Variants in FANCM observed in about 807,000 individuals in gnomAD.
FANCM encodes FA complementation group M, also known as Fanconi anemia group M protein.
In FANCM, 140 loss-of-function variants were observed where a neutral mutation model predicts 199.5. The ratio of observed to expected loss-of-function variants is 0.70; its 90% CI spans 0.61 to 0.81. The LOEUF (loss-of-function observed/expected upper bound fraction) is 0.81. Among genes scored for constraint, FANCM ranks in the 30% least tolerant of loss-of-function variants. FANCM has a pLI of 0.00. For synonymous variants in FANCM, 840 were observed against 836.8 expected (o/e 1.00, Z -0.07); for missense variants, 2,410 against 2,421.4 (o/e 1.00, Z 0.10).
chr14:45,190,134 A>G (rs1477092042), intron 20 of FANCM, among the ~76,000 whole-genome samples: 1 of 152,144 alleles, frequency 6.6e-6, no homozygotes, highest in Non-Finnish European at 1.5e-5. Context: ...GCTGCTAAGT[A>G]GTCCAGTTTT....
chr14:45,188,294 G>A (rs1017938025), intron 19 of FANCM, among the ~76,000 whole-genome samples: 4 of 152,122 alleles, frequency 2.6e-5, no homozygotes, highest in African/African-American at 9.7e-5. Context: ...AGCCAAGATT[G>A]CACCATTGCA....
Position 45,155,360 on chromosome 14 carries a change from T to C in FANCM, c.1310-13T>C, listed in dbSNP as rs749995672. ...AAACAGAAAAAAATTTTGATATTTT[T>C]GTTTTGTTCCAGGAGATAAAAATAA... On this transcript the variant is annotated splice_polypyrimidine_tract_variant and intron_variant, in intron 7 of 22. Coordinates refer to ENST00000267430, the MANE Select transcript of FANCM (RefSeq NM_020937.4). The C allele has an allele frequency of 1.3e-5, 15 of 1,136,202 alleles. No individual in the cohort carries two copies. Among genetic ancestry groups the C allele is most frequent in the Non-Finnish European group, 2.0e-5 (15 of 752,338 alleles). 70.4% of individuals were successfully genotyped at this position (1,136,202 alleles called of 1,614,324 possible).
At chr14:45,143,725 G>A (rs890030131) in intron 3 of FANCM, among the ~76,000 whole-genome samples, 5 of 132,062 alleles carry the variant, frequency 3.8e-5, no homozygotes, top group Non-Finnish European at 6.2e-5. Context: ...ACAGAGTCTC[G>A]CTTTGTCACC....
Position 45,168,615 on chromosome 14 carries a change from TTTATC to T in FANCM, c.2002+1456_2002+1460del, listed in dbSNP as rs201724992. On this transcript the variant is annotated intron_variant, in intron 11 of 22. Coordinates refer to ENST00000267430, the MANE Select transcript of FANCM (RefSeq NM_020937.4). The stretch of plus-strand genomic sequence containing the variant: ...TCTCTGATTTTTCAAGTGTCAAAGA[TTTATC>T]TTAGATTATGTGATTTATGTATGGA... 8.2e-3 allele frequency among the ~76,000 whole-genome samples: 1,230 copies of T among 150,588 alleles called. 16 individuals carry two copies. The highest frequency in any genetic ancestry group is 0.028 in the African/African-American group (1,164 of 41,276).
intron 3 of FANCM, among the ~76,000 whole-genome samples, chr14:45,141,258 A>C (rs1885909214): frequency 6.8e-6 from 1 of 146,548 alleles, no homozygotes; most frequent in South Asian, 2.3e-4. Context: ...ACTGCACTCC[A>C]GCCTGGGCGA....
intron 9 of FANCM, among the ~76,000 whole-genome samples, chr14:45,162,041 A>T (rs113392082): frequency 6.6e-6 from 1 of 152,292 alleles, no homozygotes; most frequent in Non-Finnish European, 1.5e-5. Context: ...GATGACTCCA[A>T]GGTTTTTGGC....
Position 45,175,857 on chromosome 14 carries a change from A to T in FANCM, c.3103A>T (p.Thr1035Ser), listed in dbSNP as rs1594798747. 2.5e-6 allele frequency: 4 copies of T among 1,614,010 alleles called. No homozygotes were observed. The East Asian group carries it at 8.9e-5, about 36-fold the overall frequency. ...AGAGCATTTACGAAGTGATAAATGC[A>T]CCTGTTTGCTGTCACATTCAGCTGT... ...CAEHLRSDKC[T>S]CLLSHSAVNS... Residue 1035 changes from threonine (T) to serine (S), a missense_variant, in exon 14 of 23, where the codon ACC (threonine) becomes TCC (serine). Transcript: ENST00000267430.
rs1049911845 is a variant in FANCM at position 45,162,059 on chromosome 14, A to C, written c.1582-2300A>C. Among the ~76,000 whole-genome samples the C allele has an allele frequency of 2.6e-5, 4 of 152,310 alleles. No individual in the cohort carries two copies. In the South Asian group the frequency reaches 8.3e-4, roughly 32 times the overall value. Reference sequence around the variant, plus strand: ...GACTCCAAGGTTTTTGGCCTGAGCAACTGAAGGAGCTGGTATTAACTAAGA... The same window carrying C: ...GACTCCAAGGTTTTTGGCCTGAGCACCTGAAGGAGCTGGTATTAACTAAGA... On this transcript the variant is annotated intron_variant, in intron 9 of 22. Coordinates refer to ENST00000267430, the MANE Select transcript of FANCM (RefSeq NM_020937.4).
At chr14:45,193,591 T>G (rs746072133) in intron 20 of FANCM, among the ~76,000 whole-genome samples, 11 of 152,346 alleles carry the variant, frequency 7.2e-5, no homozygotes, top group Non-Finnish European at 1.2e-4. Context: ...GCTTTTGTTG[T>G]TGGTGGTGCA....
chr14:45,193,394 A>C (rs1218578700), intron 20 of FANCM, among the ~76,000 whole-genome samples: 1 of 152,184 alleles, frequency 6.6e-6, no homozygotes, highest in African/African-American at 2.4e-5. Flanking sequence ...GCTCCCTCCC[A>C]CCAGGCTAGC....
chr14:45,140,032 TA>T (rs957509995), intron 2 of FANCM, among the ~76,000 whole-genome samples: 4 of 151,760 alleles, frequency 2.6e-5, no homozygotes, highest in Non-Finnish European at 4.4e-5. Context: ...AAATGTAACT[TA>T]AAAAAAAATC....
rs1413007944 is a variant in FANCM, at chr14:45,136,537, C to T, written c.506C>T (p.Thr169Ile). Residue 169 changes from threonine to isoleucine, a missense_variant and splice_region_variant, in exon 1 of 23, where the codon ACA becomes ATA. Thr to Ile is a moderately conservative substitution (Grantham distance 89). Transcript: ENST00000267430. ...GIPQSHMAEM[T>I]GSTQASTRKE... ...CCGCAATCCCACATGGCCGAAATGA[C>T]AGGTATCTTAGACTGGACTAATTTT... is the stretch of plus-strand genomic sequence containing the variant. 1 of 1,613,350 alleles carries T rather than the reference C, an allele frequency of 6.2e-7. No homozygotes were observed. Among genetic ancestry groups the T allele is most frequent in the Admixed American group, 1.7e-5 (1 of 60,028 alleles).
intron 3 of FANCM, among the ~76,000 whole-genome samples, chr14:45,146,561 A>G (rs1886398654): frequency 6.6e-6 from 1 of 151,898 alleles, no homozygotes. Context: ...CATGTTTTTC[A>G]GTCAGCTTAA....
intron 14 of FANCM, among the ~76,000 whole-genome samples, chr14:45,177,338 T>G (rs1238117987): frequency 2.0e-5 from 3 of 152,174 alleles, no homozygotes; most frequent in East Asian, 1.9e-4. Flanking sequence ...AGTGGCTGTT[T>G]AGGAGGTTCA....
At chr14:45,177,416 A>C (rs1257584031) in intron 14 of FANCM, among the ~76,000 whole-genome samples, 1 of 151,782 alleles carries the variant, frequency 6.6e-6, no homozygotes, top group Non-Finnish European at 1.5e-5. Flanking sequence ...TTTGAGACGG[A>C]GTTTTGCTCT....
chr14:45,195,215 C>G (rs1889991305), intron 20 of FANCM, among the ~76,000 whole-genome samples: 1 of 152,162 alleles, frequency 6.6e-6, no homozygotes, highest in African/African-American at 2.4e-5. Context: ...TTCATACATT[C>G]ATATAGCTCA....
chr14:45,185,648 A>G (rs1889354822), intron 18 of FANCM, among the ~76,000 whole-genome samples: 1 of 152,306 alleles, frequency 6.6e-6, no homozygotes, highest in South Asian at 2.1e-4. Context: ...ATTGCCCGCT[A>G]CATGCCTAGT....
At chr14:45,195,578 AAAGCTGGGT>A (rs1890009982) in intron 20 of FANCM, 1 of 456,372 alleles carries the variant, frequency 2.2e-6, no homozygotes, top group Admixed American at 2.4e-5. Flanking sequence ...TTTGGAAAGG[AAAGCTGGGT>A]ATGTTCTGAC....
At chr14:45,136,608 G>T in intron 1 of FANCM, 69 bp downstream of exon 1, 1 of 1,453,688 alleles carries the variant, frequency 6.9e-7, no homozygotes, top group Non-Finnish European at 9.6e-7. Flanking sequence ...TAGTTCCCAA[G>T]CTACAACATG....
Sources: gnomAD v4.1 joint callset for allele counts (sites outside exome capture counted in the v4.1 genomes callset) on GRCh38, gnomAD v4.1.1 for gene constraint, MANE v1.5 for transcripts, NCBI Gene and HGNC (gene_info 2026-07-23, HGNC 2026-07-21) for gene names.